SLC35H1: variants seen among roughly 807,000 people sequenced by gnomAD.
The protein encoded by SLC35H1 is solute carrier family 35 member H1, also known as ovarian cancer-overexpressed gene 1 protein.
At chr20:46,356,623 G>A in the SLC35H1 span, 1 of 1,614,048 alleles carries the variant, frequency 6.2e-7, no homozygotes, top group Non-Finnish European at 8.5e-7. Flanking sequence ...CCCACGTCAA[G>A]CGCCGTCGCC....
chr20:46,360,546 ATTTTAT>A, the SLC35H1 span, among the ~76,000 whole-genome samples: 3 of 20,374 alleles, frequency 1.5e-4, no homozygotes, highest in Non-Finnish European at 2.7e-4. Flanking sequence ...TTTATATTTT[ATTTTAT>A]TTTTTTTTTG....
the SLC35H1 span, chr20:46,348,769 T>C: frequency 3.3e-5 from 5 of 152,232 alleles, no homozygotes; most frequent in African/African-American, 1.2e-4. Flanking sequence ...CTCCTGCTGG[T>C]AAACTTCAGC....
the SLC35H1 span, among the ~76,000 whole-genome samples, chr20:46,357,413 G>A: frequency 2.0e-5 from 3 of 152,250 alleles, no homozygotes; most frequent in Admixed American, 1.3e-4. Flanking sequence ...GGGGGGTTTT[G>A]TGGGTGTGTG....
the SLC35H1 span, among the ~76,000 whole-genome samples, chr20:46,359,885 G>A: frequency 2.0e-5 from 3 of 152,172 alleles, no homozygotes; most frequent in Non-Finnish European, 4.4e-5. Flanking sequence ...TTTCTGAAGG[G>A]AGCAGTTACA....
the SLC35H1 span, among the ~76,000 whole-genome samples, chr20:46,353,535 G>A: frequency 6.6e-6 from 1 of 152,198 alleles, no homozygotes; most frequent in Non-Finnish European, 1.5e-5. Context: ...AAGAAATGCC[G>A]AGTGACAGTC....
chr20:46,351,333 C>T, the SLC35H1 span, among the ~76,000 whole-genome samples: 1 of 152,232 alleles, frequency 6.6e-6, no homozygotes, highest in Non-Finnish European at 1.5e-5. Flanking sequence ...ACTGGCAAGG[C>T]CGTTCATCCA....
chr20:46,359,202 C>T, the SLC35H1 span, among the ~76,000 whole-genome samples: 24 of 152,368 alleles, frequency 1.6e-4, 1 homozygote, highest in Middle Eastern at 0.031. Flanking sequence ...TGCACCCACC[C>T]TTCAGTCCTT....
the SLC35H1 span, chr20:46,355,054 A>G: frequency 6.2e-7 from 1 of 1,613,860 alleles, no homozygotes; most frequent in South Asian, 1.1e-5. The surrounding 1 kb of genome is among the most constrained non-coding windows in gnomAD (Gnocchi z 4.8). Context: ...TCTCTGGAGG[A>G]TGAGTGGCAC....
chr20:46,356,319 A>G, the SLC35H1 span, among the ~76,000 whole-genome samples: 131 of 152,176 alleles, frequency 8.6e-4, 2 homozygotes, highest in East Asian at 5.8e-3. Flanking sequence ...TGCTCTGATG[A>G]TGGGGTTCTG....
At chr20:46,360,896 CAT>C in the SLC35H1 span, among the ~76,000 whole-genome samples, 3 of 145,812 alleles carry the variant, frequency 2.1e-5, no homozygotes, top group African/African-American at 7.3e-5. Flanking sequence ...TTTTATTAAT[CAT>C]ATGTTTCATT....
chr20:46,357,899 G>T, the SLC35H1 span: 1 of 974,530 alleles, frequency 1.0e-6, no homozygotes, highest in Non-Finnish European at 1.5e-6. Context: ...ACCTTGCTAT[G>T]TGTGTAGGGC....
the SLC35H1 span, among the ~76,000 whole-genome samples, chr20:46,356,116 G>A: frequency 6.6e-5 from 10 of 152,134 alleles, no homozygotes; most frequent in Non-Finnish European, 1.0e-4. Flanking sequence ...CCTAACCCTC[G>A]GCAGAGCCCA....
the SLC35H1 span, chr20:46,347,272 C>T: frequency 6.6e-6 from 1 of 152,246 alleles, no homozygotes; most frequent in South Asian, 2.1e-4. Context: ...TATGCTTAAC[C>T]ACTTGGAACT....
the SLC35H1 span, chr20:46,348,966 T>G: frequency 3.9e-5 from 6 of 152,358 alleles, no homozygotes; most frequent in South Asian, 6.2e-4. Context: ...ATTTTTAAAG[T>G]ATTAAAGTTC....
At chr20:46,352,798 A>G in the SLC35H1 span, 1 of 154,614 alleles carries the variant, frequency 6.5e-6, no homozygotes, top group Non-Finnish European at 1.4e-5. Context: ...TGGGGATCCT[A>G]GCGGAATGAT....
At chr20:46,357,604 A>G in the SLC35H1 span, 35 of 1,609,466 alleles carry the variant, frequency 2.2e-5, no homozygotes, top group Non-Finnish European at 3.0e-5. Flanking sequence ...CTCTGCCCTC[A>G]CTGAGGTCCC....
chr20:46,357,962 A>G, the SLC35H1 span, among the ~76,000 whole-genome samples: 1 of 152,186 alleles, frequency 6.6e-6, no homozygotes, highest in Non-Finnish European at 1.5e-5. Flanking sequence ...TCACGAAGAC[A>G]GGTGGCAGCC....
At chr20:46,357,956 G>A in the SLC35H1 span, among the ~76,000 whole-genome samples, 2 of 152,136 alleles carry the variant, frequency 1.3e-5, no homozygotes, top group African/African-American at 2.4e-5. Flanking sequence ...CTTAGGTCAC[G>A]AAGACAGGTG....
chr20:46,360,508 T>C, the SLC35H1 span, among the ~76,000 whole-genome samples: 2 of 151,740 alleles, frequency 1.3e-5, no homozygotes, highest in Non-Finnish European at 2.9e-5. Context: ...TATCAATTAC[T>C]TTCCTTTTAT....
Sources: gnomAD v4.1 joint callset for allele counts (sites outside exome capture counted in the v4.1 genomes callset) on GRCh38, gnomAD v4.1.1 for gene constraint, Gnocchi (gnomAD v3.1) non-coding constraint, MANE v1.5 for transcripts, NCBI Gene and HGNC (gene_info 2026-07-23, HGNC 2026-07-21) for gene names.